The following CRYM variants were observed in gnomAD, a reference collection of about 807,000 sequenced individuals.
CRYM encodes crystallin mu.
In CRYM, 18 loss-of-function variants were observed where a neutral mutation model predicts 32.9. The ratio of observed to expected loss-of-function variants is 0.55; its 90% CI spans 0.38 to 0.81. The LOEUF is 0.81. CRYM is among the 30% of genes least tolerant of loss of function. The pLI, the probability that CRYM is intolerant of heterozygous loss-of-function variation, is 0.00. For synonymous variants in CRYM, 153 were observed against 152.4 expected (o/e 1.00, Z -0.03); for missense variants, 337 against 393.5 (o/e 0.86, Z 1.21).
intron 5 of CRYM, chr16:21,262,387 G>C: frequency 2.3e-6 from 1 of 443,258 alleles, no homozygotes; most frequent in East Asian, 5.1e-5. Context: ...GGAGGCTGAG[G>C]CAGGCAGATC....
chr16:21,290,809 C>G (rs1479735544), intron 1 of CRYM, among the ~76,000 whole-genome samples: 1 of 152,158 alleles, frequency 6.6e-6, no homozygotes, highest in Non-Finnish European at 1.5e-5. Flanking sequence ...TGATATATTC[C>G]TTATCCTCTT....
intron 6 of CRYM, 147 bp downstream of exon 6, chr16:21,261,890 C>T: frequency 1.1e-6 from 1 of 911,694 alleles, no homozygotes. Context: ...AAGAGGGTTG[C>T]AAAATGTTTA....
chr16:21,259,729 C>T (rs1326463975), intron 7 of CRYM, among the ~76,000 whole-genome samples: 2 of 152,160 alleles, frequency 1.3e-5, no homozygotes, highest in East Asian at 3.9e-4. Context: ...GACGCTTGGT[C>T]CAGTTTGAAT....
intron 3 of CRYM, among the ~76,000 whole-genome samples, chr16:21,274,559 T>C (rs1206833308): frequency 1.2e-4 from 18 of 152,184 alleles, no homozygotes; most frequent in Admixed American, 1.2e-3. Context: ...TTATTACTAT[T>C]TAACACATTA....
upstream of CRYM, among the ~76,000 whole-genome samples, chr16:21,281,073 C>T (rs1235939567): frequency 6.6e-6 from 1 of 151,238 alleles, no homozygotes; most frequent in Non-Finnish European, 1.5e-5. Context: ...CCACTGCACT[C>T]CAGCCTGGAC....
rs148643529 is a variant in CRYM at position 21,297,760 on chromosome 16, G to A, written c.-193+5218C>T. Among the ~76,000 whole-genome samples, 430 of 152,240 alleles carry A rather than the reference G, an allele frequency of 2.8e-3. 3 individuals are homozygous for A. The highest frequency in any genetic ancestry group is 1.0e-2 in the African/African-American group (415 of 41,530). ...GACATGTAATTACAGAACAGTGTGG[G>A]AGAACTTCTATAGAACATATTGGTC... On this transcript the variant is annotated intron_variant, in intron 1 of 9. Coordinates refer to the CRYM transcript ENST00000219599.
At chr16:21,270,280 T>C (rs11641656) in intron 3 of CRYM, among the ~76,000 whole-genome samples, 27,013 of 151,684 alleles carry the variant, frequency 0.18, 3,113 homozygotes, top group Non-Finnish European at 0.25. Flanking sequence ...TTTTTCTTTC[T>C]TTCTTTCTTT....
rs374011065 is a variant in CRYM, at chr16:21,258,875, T to C, written c.881-30A>G. ...AATAGACAGAAATTTGGTTCGCCTT[T>C]GGTCAAAACAACTTTTCTTGAAACA... On this transcript the variant is annotated intron_variant, in intron 7 of 7. Transcript: ENST00000572914. 3.5e-5 allele frequency: 57 copies of C among 1,608,772 alleles called. No individual in the cohort carries two copies. The African/African-American group carries it at 7.1e-4, about 20-fold the overall frequency.
chr16:21,262,774 C>T (rs889042992), intron 5 of CRYM, among the ~76,000 whole-genome samples: 2 of 152,134 alleles, frequency 1.3e-5, no homozygotes, highest in African/African-American at 2.4e-5. Flanking sequence ...TTATGGTTCT[C>T]GCAAGTACAT....
chr16:21,278,446 C>A, upstream of CRYM: 2 of 636,754 alleles, frequency 3.1e-6, no homozygotes, highest in Non-Finnish European at 5.5e-6. Flanking sequence ...TAAGGGTGGG[C>A]GAGATGGGTC....
chr16:21,287,994 T>C (rs758498491), intron 1 of CRYM, among the ~76,000 whole-genome samples: 11 of 152,228 alleles, frequency 7.2e-5, no homozygotes, highest in Admixed American at 2.6e-4. Flanking sequence ...TCTTGTGGGA[T>C]TGGTTCTTTA....
At chr16:21,283,578 G>A (rs2093401773) in intron 1 of CRYM, 1 of 151,438 alleles carries the variant, frequency 6.6e-6, no homozygotes, top group African/African-American at 2.4e-5. Context: ...AGAGTTGGGG[G>A]ACTGAGCGGT....
chr16:21,297,857 C>T (rs1313063058), intron 1 of CRYM, among the ~76,000 whole-genome samples: 2 of 152,144 alleles, frequency 1.3e-5, no homozygotes, highest in Non-Finnish European at 2.9e-5. Flanking sequence ...GGCTAACAAG[C>T]AAAATCCAAC....
chr16:21,298,168 T>C lies in CRYM; in HGVS notation c.-193+4810A>G, dbSNP rs1960826591. ...ATAAAAGCTATTAATTTGCAGTTTG[T>C]CCAGCCTTTCCTTATGTGAAGAGTG... is the stretch of plus-strand genomic sequence containing the variant. On this transcript the variant is annotated intron_variant, in intron 1 of 9. Coordinates refer to the CRYM transcript ENST00000219599. Among the ~76,000 whole-genome samples the C allele has an allele frequency of 2.6e-5, 4 of 152,210 alleles. No homozygotes were observed. In the South Asian group the frequency reaches 8.3e-4, roughly 31 times the overall value.
intron 7 of CRYM, among the ~76,000 whole-genome samples, chr16:21,259,867 C>T: frequency 6.6e-6 from 1 of 152,272 alleles, no homozygotes; most frequent in East Asian, 1.9e-4. Flanking sequence ...ATAAACTGAT[C>T]CCCAAAAGTA....
Position 21,277,722 on chromosome 16 carries a change from T to C in CRYM, c.171-138A>G, listed in dbSNP as rs2093389872. 2 of 973,794 alleles carry C rather than the reference T, an allele frequency of 2.1e-6. No individual in the cohort carries two copies. The highest frequency in any genetic ancestry group is 3.1e-6 in the Non-Finnish European group (2 of 643,122). The allele number at this position is 973,794 out of a possible 1,614,324, so 60.3% of individuals were successfully genotyped here. On this transcript the variant is annotated intron_variant, in intron 1 of 7. Transcript: ENST00000572914. This position sits in a 1 kb window ranked among gnomAD's most constrained non-coding sequence, Gnocchi z 4.2. The stretch of plus-strand genomic sequence containing the variant: ...TTCCAGCCCCCGCATCCCTCTGCCC[T>C]TCCCTTAGACACTATGCACAGTATG...
At chr16:21,272,986 A>T (rs1168849957) in intron 3 of CRYM, among the ~76,000 whole-genome samples, 3 of 151,756 alleles carry the variant, frequency 2.0e-5, no homozygotes, top group Non-Finnish European at 4.4e-5. Flanking sequence ...TGATCTTTGG[A>T]CTATATCTTG....
intron 1 of CRYM, among the ~76,000 whole-genome samples, chr16:21,298,427 C>T (rs1479416565): frequency 6.6e-6 from 1 of 152,158 alleles, no homozygotes; most frequent in Admixed American, 6.5e-5. Context: ...AAATATACAA[C>T]ATTCATATAC....
rs147407692 is a variant in CRYM, at chr16:21,298,329, G to T, written c.-193+4649C>A. Among the ~76,000 whole-genome samples the T allele has an allele frequency of 1.8e-3, 278 of 152,278 alleles. 2 individuals carry two copies. Among genetic ancestry groups the T allele is most frequent in the African/African-American group, 6.4e-3 (268 of 41,558 alleles). On this transcript the variant is annotated intron_variant, in intron 1 of 9. Transcript: ENST00000219599. ...ATACTTGCATCCACTTCTCCCAAGA[G>T]ATACGTAAAATAATATTCAAATAAG...
Sources: allele counts gnomAD v4.1 joint callset (sites outside exome capture counted in the v4.1 genomes callset), GRCh38; gene constraint gnomAD v4.1.1; non-coding constraint Gnocchi (gnomAD v3.1); transcripts MANE v1.5; gene names NCBI Gene and HGNC (gene_info 2026-07-23, HGNC 2026-07-21).